CACNA1C: variants seen among roughly 807,000 people sequenced by gnomAD.
The protein encoded by CACNA1C is voltage-dependent L-type calcium channel subunit alpha-1C.
A neutral mutation model predicts 229.0 loss-of-function variants in CACNA1C; 30 were observed. The observed-to-expected ratio is 0.13, with a 90% CI of 0.10 to 0.18. CACNA1C has a LOEUF of 0.18. CACNA1C is among the 10% of genes least tolerant of loss of function. The pLI, the probability that CACNA1C is intolerant of heterozygous loss-of-function variation, is 1.00. For synonymous variants in CACNA1C, 1,114 were observed against 1,132.5 expected, an observed-to-expected ratio of 0.98 and a Z score of 0.33; for missense variants, 1,658 against 2,845.0, an observed-to-expected ratio of 0.58 and a Z score of 9.49.
intron 9 of CACNA1C, among the ~76,000 whole-genome samples, chr12:2,515,056 C>T (rs903659251): frequency 1.3e-5 from 2 of 152,222 alleles, no homozygotes; most frequent in Admixed American, 1.3e-4. Flanking sequence ...TCTCACCTTG[C>T]ACTGCTTCCT....
chr12:2,080,123 A>T (rs755847244), intron 1 of CACNA1C, among the ~76,000 whole-genome samples: 3 of 152,048 alleles, frequency 2.0e-5, no homozygotes, highest in Non-Finnish European at 2.9e-5. Flanking sequence ...TTATCTGGGC[A>T]TGGTGGCACA....
chr12:2,162,622 A>C (rs1464092750), intron 3 of CACNA1C, among the ~76,000 whole-genome samples: 1 of 152,078 alleles, frequency 6.6e-6, no homozygotes, highest in African/African-American at 2.4e-5. Flanking sequence ...GAGAGAGGAA[A>C]GGACGTGCCC....
At chr12:2,487,345 G>A (rs2099701721) in intron 6 of CACNA1C, among the ~76,000 whole-genome samples, 2 of 150,830 alleles carry the variant, frequency 1.3e-5, no homozygotes, top group African/African-American at 4.9e-5. Flanking sequence ...AGTTAAATGG[G>A]ACCTCTCGCT....
intron 3 of CACNA1C, among the ~76,000 whole-genome samples, chr12:2,429,162 C>G (rs2099059878): frequency 1.3e-5 from 2 of 152,052 alleles, no homozygotes; most frequent in Non-Finnish European, 2.9e-5. Context: ...TTGTGTGTGT[C>G]TGTTTTCCCT....
At chr12:2,163,608 G>C (rs936165393) in intron 3 of CACNA1C, among the ~76,000 whole-genome samples, 3 of 152,222 alleles carry the variant, frequency 2.0e-5, no homozygotes, top group African/African-American at 7.2e-5. Flanking sequence ...TTCACAGAAA[G>C]AATGGGATCC....
intron 6 of CACNA1C, among the ~76,000 whole-genome samples, chr12:2,491,669 G>A (rs2099735067): frequency 6.6e-6 from 1 of 152,028 alleles, no homozygotes; most frequent in South Asian, 2.1e-4. Context: ...GGAGGAGGAG[G>A]AGCTGCCACT....
intron 3 of CACNA1C, among the ~76,000 whole-genome samples, chr12:2,121,654 G>A (rs1263554292): frequency 6.6e-6 from 1 of 152,166 alleles, no homozygotes; most frequent in African/African-American, 2.4e-5. Flanking sequence ...GCCGCCGTCC[G>A]TGAGGCCATC....
intron 9 of CACNA1C, among the ~76,000 whole-genome samples, chr12:2,536,216 A>C (rs148626538): frequency 7.2e-4 from 110 of 152,374 alleles, no homozygotes; most frequent in African/African-American, 2.4e-3. Flanking sequence ...ACGGGGCCCC[A>C]GAGAAGAGAG....
intron 1 of CACNA1C, chr12:1,993,423 A>G (rs778825630): frequency 5.0e-6 from 8 of 1,601,036 alleles, no homozygotes; most frequent in South Asian, 1.1e-5. Context: ...GGGGAAATCA[A>G]TAGACAAATT....
chr12:2,540,572 G>C (rs1487648689), intron 9 of CACNA1C, among the ~76,000 whole-genome samples: 1 of 152,168 alleles, frequency 6.6e-6, no homozygotes, highest in South Asian at 2.1e-4. Flanking sequence ...TGTGGTGTGA[G>C]AGCGGTGATA....
At chr12:2,645,198 G>A (rs1241935782) in intron 30 of CACNA1C, among the ~76,000 whole-genome samples, 1 of 152,184 alleles carries the variant, frequency 6.6e-6, no homozygotes, top group East Asian at 1.9e-4. Context: ...GGTTATGTAA[G>A]CAGCTCTGTT....
chr12:2,390,415 C>T lies in CACNA1C; in HGVS notation c.478-58561C>T, dbSNP rs114171674. ...TTAACATTACGGGACAGTCACTGAG[C>T]ATTTACTATGGATTAGGCATTGTTC... On this transcript the variant is annotated intron_variant, in intron 3 of 46. Transcript: ENST00000399655. Among the ~76,000 whole-genome samples the T allele has an allele frequency of 4.6e-3, 694 of 152,310 alleles. 4 individuals carry two copies. The highest frequency in any genetic ancestry group is 0.016 in the African/African-American group (662 of 41,568).
intron 3 of CACNA1C, among the ~76,000 whole-genome samples, chr12:2,207,219 A>G (rs1260055847): frequency 6.6e-6 from 1 of 152,174 alleles, no homozygotes; most frequent in African/African-American, 2.4e-5. Flanking sequence ...CCGACCCATG[A>G]CACACCTGGA....
chr12:2,690,956 C>T lies in CACNA1C; in HGVS notation c.6174C>T (p.Val2058=). The change falls in exon 47 of 47, where the codon GTC becomes GTT. Residue 2058 remains valine (V), a synonymous_variant. Coordinates refer to ENST00000399655, the MANE Select transcript of CACNA1C (RefSeq NM_000719.7). ...CTCAAGATCCCAAGTTCATCGAGGTCACCACCCAGGAGCTGGCCGACGCCT... is the reference window on the plus strand; with the variant it reads ...CTCAAGATCCCAAGTTCATCGAGGTTACCACCCAGGAGCTGGCCGACGCCT... The part of the protein sequence containing the change: ...QFAQDPKFIE[V]TTQELADACD... 1.3e-6 allele frequency: 2 copies of T among 1,598,136 alleles called. No individual in the cohort carries two copies.
intron 1 of CACNA1C, among the ~76,000 whole-genome samples, chr12:2,023,465 C>T (rs2046807236): frequency 6.6e-6 from 1 of 152,158 alleles, no homozygotes; most frequent in East Asian, 1.9e-4. Context: ...TAGTAGTTGA[C>T]AGGAACAACG....
chr12:1,990,322 CTTACTT>C (rs1208919307), intron 1 of CACNA1C, among the ~76,000 whole-genome samples: 1 of 152,150 alleles, frequency 6.6e-6, no homozygotes, highest in Non-Finnish European at 1.5e-5. Flanking sequence ...AGCTATCTTA[CTTACTT>C]TTAAAGTTCA....
At chr12:2,539,276 GT>G (rs2099863572) in intron 9 of CACNA1C, among the ~76,000 whole-genome samples, 1 of 112,542 alleles carries the variant, frequency 8.9e-6, no homozygotes. Flanking sequence ...TGCAGGCAGG[GT>G]TTAAGGACTT....
At chr12:2,503,042 A>C (rs74053461) in intron 7 of CACNA1C, among the ~76,000 whole-genome samples, 2 of 152,270 alleles carry the variant, frequency 1.3e-5, no homozygotes, top group East Asian at 3.9e-4. Context: ...CTGCTATGCA[A>C]CCTTGTGGAG....
chr12:2,571,639 C>G (rs1568490494), intron 13 of CACNA1C, among the ~76,000 whole-genome samples: 1 of 152,178 alleles, frequency 6.6e-6, no homozygotes, highest in Non-Finnish European at 1.5e-5. Context: ...AGTCCCTCCA[C>G]AAGAAGGAGT....
Sources: gnomAD v4.1 joint callset for allele counts (sites outside exome capture counted in the v4.1 genomes callset) on GRCh38, gnomAD v4.1.1 for gene constraint, MANE v1.5 for transcripts, NCBI Gene and HGNC (gene_info 2026-07-23, HGNC 2026-07-21) for gene names.